NTM: variants seen among roughly 807,000 people sequenced by gnomAD.
NTM encodes the protein IgLON family member 2.
Under a neutral mutation model 42.1 loss-of-function variants are expected in NTM, and 13 were observed. The observed-to-expected ratio is 0.31, with a 90% confidence interval of 0.20 to 0.49. NTM has a LOEUF of 0.49. Among genes scored for constraint, NTM ranks in the 20% least tolerant of loss-of-function variants. The pLI is 0.99. For missense variants in NTM, 373 were observed against 452.8 expected (o/e 0.82, Z 1.60); for synonymous variants, 187 against 179.2 (o/e 1.04, Z -0.35).
intron 1 of NTM, among the ~76,000 whole-genome samples, chr11:131,606,729 A>C (rs989031573): frequency 6.6e-6 from 1 of 152,148 alleles, no homozygotes; most frequent in Non-Finnish European, 1.5e-5. Context: ...TAGCAAGTAC[A>C]TTTTGTTTCT....
intron 1 of NTM, among the ~76,000 whole-genome samples, chr11:131,707,098 A>C (rs1331665955): frequency 3.9e-5 from 6 of 152,016 alleles, no homozygotes; most frequent in African/African-American, 1.4e-4. Flanking sequence ...TGTGTAAATG[A>C]AATATTCTTC....
intron 2 of NTM, among the ~76,000 whole-genome samples, chr11:132,017,723 A>G (rs1476605394): frequency 2.0e-5 from 3 of 152,024 alleles, no homozygotes; most frequent in Admixed American, 6.6e-5. Context: ...CATTTAGTTT[A>G]TAGATCAATT....
At chr11:132,311,750 G>A (rs2095287481) in intron 6 of NTM, among the ~76,000 whole-genome samples, 3 of 151,436 alleles carry the variant, frequency 2.0e-5, no homozygotes, top group African/African-American at 7.4e-5. Context: ...ATTCTTTATT[G>A]GAGAAAAATA....
At chr11:131,981,744 C>T (rs559174099) in intron 2 of NTM, among the ~76,000 whole-genome samples, 1 of 152,292 alleles carries the variant, frequency 6.6e-6, no homozygotes, top group East Asian at 1.9e-4. Flanking sequence ...GGTGCGGTGG[C>T]TTATGCCTGT....
At chr11:131,517,339 C>G (rs1055293463) in intron 1 of NTM, among the ~76,000 whole-genome samples, 2 of 152,204 alleles carry the variant, frequency 1.3e-5, no homozygotes. Flanking sequence ...GGACCACAGA[C>G]TCAGAAACTC....
At chr11:132,268,670 C>CTGTGTGTGTGTGTGTGTGTGTGTGTG (rs780327988) in intron 4 of NTM, among the ~76,000 whole-genome samples, 1 of 146,320 alleles carries the variant, frequency 6.8e-6, no homozygotes, top group African/African-American at 2.6e-5. Context: ...CTCTCTCTCT[C>CTGTGTGTGTGTGTGTGTGTGTGTGTG]TGTGTGTGTG....
intron 1 of NTM, among the ~76,000 whole-genome samples, chr11:131,659,804 C>A (rs2067717933): frequency 6.6e-6 from 1 of 152,188 alleles, no homozygotes; most frequent in Admixed American, 6.5e-5. Flanking sequence ...CACGTGGCTG[C>A]TTTTCTCTCC....
intron 1 of NTM, among the ~76,000 whole-genome samples, chr11:131,526,909 C>G (rs1475419829): frequency 5.9e-5 from 9 of 152,182 alleles, no homozygotes; most frequent in Non-Finnish European, 1.3e-4. Context: ...ATGGAAAGAC[C>G]CTTCGATTTT....
At chr11:131,450,860 G>A (rs915093693) in intron 1 of NTM, among the ~76,000 whole-genome samples, 24 of 152,066 alleles carry the variant, frequency 1.6e-4, no homozygotes, top group African/African-American at 5.8e-4. Flanking sequence ...TTCATTCAGG[G>A]TTATGAATCG....
chr11:132,275,176 T>A (rs1202027861), intron 4 of NTM, among the ~76,000 whole-genome samples: 2 of 152,160 alleles, frequency 1.3e-5, no homozygotes, highest in East Asian at 3.8e-4. Flanking sequence ...TTAGCCTTTA[T>A]GTTTAGATGT....
At chr11:132,064,398 A>G (rs1032683311) in intron 2 of NTM, among the ~76,000 whole-genome samples, 5 of 152,178 alleles carry the variant, frequency 3.3e-5, no homozygotes, top group African/African-American at 9.7e-5. Context: ...TAATTGTGAA[A>G]TTGCCATTAA....
intron 1 of NTM, among the ~76,000 whole-genome samples, chr11:131,611,612 C>G (rs1242875806): frequency 2.0e-5 from 3 of 152,166 alleles, no homozygotes; most frequent in Non-Finnish European, 4.4e-5. Flanking sequence ...AGCTGAGGAC[C>G]TAAACACACA....
chr11:131,905,730 G>C (rs1257011044), intron 1 of NTM, among the ~76,000 whole-genome samples: 2 of 152,060 alleles, frequency 1.3e-5, no homozygotes, highest in Admixed American at 1.3e-4. Context: ...CTTCATGCAG[G>C]GGAGGCCCAC....
rs563910893 is a variant in NTM at position 131,856,236 on chromosome 11, T to G, written c.83-55328T>G. ...CACATCTCACTGCTACTGCAGAAAC[T>G]CCATCTCTAAGAGTATGGAAATGTC... On this transcript the variant is annotated intron_variant, in intron 1 of 8. Transcript: ENST00000683400. Among the ~76,000 whole-genome samples, 3 of 152,264 alleles carry G rather than the reference T, an allele frequency of 2.0e-5. No homozygotes were observed. In the East Asian group the frequency reaches 5.8e-4, roughly 29 times the overall value.
intron 1 of NTM, among the ~76,000 whole-genome samples, chr11:131,894,682 T>C (rs2051970406): frequency 6.6e-6 from 1 of 152,152 alleles, no homozygotes; most frequent in South Asian, 2.1e-4. Context: ...TCCTCCAGAT[T>C]GCAAACCACC....
chr11:132,043,295 A>AT, intron 2 of NTM, among the ~76,000 whole-genome samples: 1 of 152,346 alleles, frequency 6.6e-6, no homozygotes, highest in Non-Finnish European at 1.5e-5. Context: ...CCTTCAAGCA[A>AT]TATGTGTTCT....
At chr11:132,133,839 A>G (rs1051551914) in intron 2 of NTM, among the ~76,000 whole-genome samples, 3 of 152,122 alleles carry the variant, frequency 2.0e-5, no homozygotes, top group African/African-American at 7.2e-5. Flanking sequence ...TTCTCCTGCC[A>G]TTCGGCTCTG....
intron 2 of NTM, among the ~76,000 whole-genome samples, chr11:131,936,607 AC>A (rs2059242983): frequency 6.6e-6 from 1 of 152,238 alleles, no homozygotes; most frequent in Admixed American, 6.5e-5. Flanking sequence ...CATCTGTGTA[AC>A]CAAAAACAAC....
chr11:132,229,335 C>G (rs1488293208), intron 4 of NTM, among the ~76,000 whole-genome samples: 1 of 152,120 alleles, frequency 6.6e-6, no homozygotes, highest in Non-Finnish European at 1.5e-5. Context: ...TGCAATATGG[C>G]CAAGACTTAA....
Sources: gnomAD v4.1 joint callset for allele counts (sites outside exome capture counted in the v4.1 genomes callset) on GRCh38, gnomAD v4.1.1 for gene constraint, MANE v1.5 for transcripts, NCBI Gene and HGNC (gene_info 2026-07-23, HGNC 2026-07-21) for gene names.